The following SNRNP35 variants were observed in gnomAD, a reference collection of about 807,000 sequenced individuals.
The protein encoded by SNRNP35 is U11/U12 small nuclear ribonucleoprotein 35 kDa protein.
Under a neutral mutation model 24.3 loss-of-function variants are expected in SNRNP35, and 16 were observed. That is an observed-to-expected ratio of 0.66 (90% confidence interval 0.45 to 1.00). The LOEUF is 1.00. Ranked by LOEUF, SNRNP35 falls within the 50% of genes least tolerant of loss-of-function variation. The pLI is 0.00. For synonymous variants in SNRNP35, 106 were observed against 124.8 expected, an observed-to-expected ratio of 0.85 and a Z score of 1.00; for missense variants, 292 against 327.2, an observed-to-expected ratio of 0.89 and a Z score of 0.83.
intron 1 of SNRNP35, chr12:123,459,886 A>G: frequency 6.3e-7 from 1 of 1,594,626 alleles, no homozygotes; most frequent in Middle Eastern, 1.7e-4. Flanking sequence ...TTAATGAGAA[A>G]CAATGAAACC....
At chr12:123,464,023 A>G (rs1236845550) in intron 1 of SNRNP35, among the ~76,000 whole-genome samples, 3 of 143,726 alleles carry the variant, frequency 2.1e-5, no homozygotes, top group African/African-American at 7.8e-5. Flanking sequence ...AACCTCCACC[A>G]ACCTAGTTCA....
In SNRNP35 at chr12:123,458,194, A is replaced by C; in HGVS notation, c.-26A>C. 1.0e-6 allele frequency: 1 copy of C among 985,420 alleles called. No homozygotes were observed. The highest frequency in any genetic ancestry group is 1.2e-6 in the Non-Finnish European group (1 of 829,982). 61.0% of individuals were successfully genotyped at this position (985,420 alleles called of 1,614,324 possible). On this transcript the variant is annotated 5_prime_UTR_variant, in exon 1 of 2. Coordinates refer to ENST00000526639, the MANE Select transcript of SNRNP35 (RefSeq NM_022717.4). Reference sequence around the variant, plus strand: ...GCAGCTGCTCGCCTGTCTCCGTCGGAAGGGAGCCCAAGCTTTGCAGAGGTG... The same window carrying C: ...GCAGCTGCTCGCCTGTCTCCGTCGGCAGGGAGCCCAAGCTTTGCAGAGGTG...
downstream of SNRNP35, among the ~76,000 whole-genome samples, chr12:123,468,371 A>AAG (rs1555263040): frequency 9.5e-5 from 14 of 147,604 alleles, no homozygotes; most frequent in African/African-American, 3.0e-4. Flanking sequence ...AAAAAAAAAA[A>AAG]AAAAGAAAAG....
chr12:123,467,726 C>T (rs915507563), downstream of SNRNP35, among the ~76,000 whole-genome samples: 1 of 152,138 alleles, frequency 6.6e-6, no homozygotes, highest in Admixed American at 6.5e-5. Flanking sequence ...GGAACTGGAC[C>T]AACCTGCTGT....
rs1447102734 is a variant in SNRNP35, at chr12:123,465,062, G to A, written c.-3-476G>A. On this transcript the variant is annotated intron_variant, in intron 1 of 1. Coordinates refer to ENST00000526639, the MANE Select transcript of SNRNP35 (RefSeq NM_022717.4). The surrounding 1 kb of genome is among the most constrained non-coding windows in gnomAD (Gnocchi z 4.2). ...GAGCCGGGTGAGAAGTTTGTGGAGG[G>A]TTATTATATGATTCTCTATGTTGGT... Among the ~76,000 whole-genome samples, 1 of 152,198 alleles carries A rather than the reference G, an allele frequency of 6.6e-6. No individual in the cohort carries two copies. Among genetic ancestry groups the A allele is most frequent in the African/African-American group, 2.4e-5 (1 of 41,450 alleles).
chr12:123,460,708 C>T (rs1251012528), intron 1 of SNRNP35, among the ~76,000 whole-genome samples: 1 of 151,510 alleles, frequency 6.6e-6, no homozygotes, highest in Non-Finnish European at 1.5e-5. Context: ...ATGACTGTGC[C>T]ACTGTACTCC....
chr12:123,459,955 C>T (rs999955252), intron 1 of SNRNP35: 7 of 1,129,930 alleles, frequency 6.2e-6, no homozygotes, highest in Non-Finnish European at 9.3e-6. Flanking sequence ...CATGCTTATC[C>T]GTTTGTAATT....
rs150131617 is a variant in SNRNP35 at position 123,463,822 on chromosome 12, T to C, written c.-3-1716T>C. On this transcript the variant is annotated intron_variant, in intron 1 of 1. Coordinates refer to ENST00000526639, the MANE Select transcript of SNRNP35 (RefSeq NM_022717.4). ...CTTTGTTGCCCAGGCTGGAGTGCAG[T>C]GGTGTAATCTCGGCTCACTGCAACC... Among the ~76,000 whole-genome samples the C allele has an allele frequency of 6.6e-3, 997 of 150,920 alleles. 8 individuals carry two copies. Among genetic ancestry groups the C allele is most frequent in the African/African-American group, 0.023 (946 of 41,078 alleles).
At chr12:123,469,539 C>T (rs1468358691), downstream of SNRNP35, among the ~76,000 whole-genome samples, 1 of 152,030 alleles carries the variant, frequency 6.6e-6, no homozygotes, top group African/African-American at 2.4e-5. Flanking sequence ...CTCTGTCCCC[C>T]AGGCTGGAGT....
At chr12:123,463,689 C>T (rs950673205) in intron 1 of SNRNP35, among the ~76,000 whole-genome samples, 18 of 151,928 alleles carry the variant, frequency 1.2e-4, no homozygotes, top group African/African-American at 2.4e-4. Context: ...CGTGAGCTAC[C>T]GCGCTCGCCA....
rs554416271 is a variant in SNRNP35, at chr12:123,463,580, ATTGGCCAGACTGGTCTCAAACTCC to A, written c.-3-1941_-3-1918del. On this transcript the variant is annotated intron_variant, in intron 1 of 1. Transcript: ENST00000526639. Reference sequence around the variant, plus strand: ...TTTAGTAGAGACGGGGTTTCACCATATTGGCCAGACTGGTCTCAAACTCCTTGGCCAGACTGGTCTTGAACTCCT... The same window carrying A: ...TTTAGTAGAGACGGGGTTTCACCATATTGGCCAGACTGGTCTTGAACTCCT... Among the ~76,000 whole-genome samples the A allele has an allele frequency of 2.4e-3, 358 of 151,194 alleles. 3 individuals carry two copies. The highest frequency in any genetic ancestry group is 0.017 in the Middle Eastern group (5 of 294).
chr12:123,459,519 G>A, intron 1 of SNRNP35: 1 of 202,614 alleles, frequency 4.9e-6, no homozygotes, highest in Non-Finnish European at 1.0e-5. Flanking sequence ...CAGGCGCGGT[G>A]GTTCACGCCT....
At chr12:123,469,743 TCCTC>T (rs1881102715), downstream of SNRNP35, among the ~76,000 whole-genome samples, 1 of 152,058 alleles carries the variant, frequency 6.6e-6, no homozygotes, top group African/African-American at 2.4e-5. Context: ...GCTCAAGTGA[TCCTC>T]CCTACTTGAC....
chr12:123,463,461 TC>T (rs1205150857), intron 1 of SNRNP35, among the ~76,000 whole-genome samples: 1 of 151,078 alleles, frequency 6.6e-6, no homozygotes, highest in African/African-American at 2.4e-5. Context: ...CACTGCAACC[TC>T]CGCCTCCTGG....
At chr12:123,463,256 C>A (rs1417341899) in intron 1 of SNRNP35, among the ~76,000 whole-genome samples, 6 of 151,480 alleles carry the variant, frequency 4.0e-5, no homozygotes, top group Non-Finnish European at 8.8e-5. Context: ...GAGATGAGGT[C>A]TTGATATGTT....
chr12:123,469,029 C>A (rs551165773), downstream of SNRNP35, among the ~76,000 whole-genome samples: 2 of 152,288 alleles, frequency 1.3e-5, no homozygotes, highest in South Asian at 4.1e-4. Flanking sequence ...TTCATTAGCA[C>A]CTTCCTTGGT....
chr12:123,465,764 G>T lies in SNRNP35; in HGVS notation c.224G>T (p.Gly75Val), dbSNP rs748087094. 1.9e-6 allele frequency: 3 copies of T among 1,614,094 alleles called. No individual in the cohort carries two copies. The South Asian group carries it at 3.3e-5, about 18-fold the overall frequency. The change falls in exon 2 of 2, where the codon GGT (glycine) becomes GTT (valine). Residue 75 changes from glycine to valine, a missense_variant. Gly to Val is a moderately radical substitution (Grantham distance 109). Transcript: ENST00000526639. This position sits in a 1 kb window ranked among gnomAD's most constrained non-coding sequence, Gnocchi z 4.2. ...DKLKEVFSRY[G>V]DIRRLRLVRD... ...TTAAAGGAAGTCTTTTCCCGCTATG[G>T]TGACATCCGGCGGCTTCGGCTGGTC... is the stretch of plus-strand genomic sequence containing the variant.
rs1244571200 is a variant in SNRNP35, at chr12:123,466,521, A to G, written c.*240A>G. ...AAGAAGCAATTTTGTAGTTACTGGCATCTGTACAGAAGGGCATTTTCTTTT... is the reference window on the plus strand; with the variant it reads ...AAGAAGCAATTTTGTAGTTACTGGCGTCTGTACAGAAGGGCATTTTCTTTT... On this transcript the variant is annotated 3_prime_UTR_variant, in exon 2 of 2. Transcript: ENST00000526639. 2.4e-6 allele frequency: 1 copy of G among 422,130 alleles called. No homozygotes were observed. Among genetic ancestry groups the G allele is most frequent in the Non-Finnish European group, 4.2e-6 (1 of 237,856 alleles). 26.1% of individuals were successfully genotyped at this position (422,130 alleles called of 1,614,324 possible).
At chr12:123,464,386 C>G (rs1880824791) in intron 1 of SNRNP35, 1 of 152,132 alleles carries the variant, frequency 6.6e-6, no homozygotes, top group African/African-American at 2.4e-5. Flanking sequence ...ACTACAGGCG[C>G]CCGCCATCAT....
Sources: allele counts gnomAD v4.1 joint callset (sites outside exome capture counted in the v4.1 genomes callset), GRCh38; gene constraint gnomAD v4.1.1; non-coding constraint Gnocchi (gnomAD v3.1); transcripts MANE v1.5; gene names NCBI Gene and HGNC (gene_info 2026-07-23, HGNC 2026-07-21).